The following NLGN4Y variants were observed in gnomAD, a reference collection of about 807,000 sequenced individuals.
NLGN4Y encodes the protein neuroligin-4, Y-linked.
Under a neutral mutation model 8.4 loss-of-function variants are expected in NLGN4Y, and 4 were observed. The ratio of observed to expected loss-of-function variants is 0.48; its 90% CI spans 0.23 to 1.09. The LOEUF (loss-of-function observed/expected upper bound fraction) is 1.09. Among genes scored for constraint, NLGN4Y ranks in the 50% least tolerant of loss-of-function variants. The pLI is 0.19. For synonymous variants in NLGN4Y, 35 were observed against 75.6 expected (o/e 0.46, Z 2.78); for missense variants, 90 against 192.3 (o/e 0.47, Z 3.15).
intron 4 of NLGN4Y, among the ~76,000 whole-genome samples, chrY:14,820,766 C>T (rs1038559059): frequency 6.0e-5 from 2 of 33,113 alleles, no homozygotes; most frequent in Non-Finnish European, 1.5e-4. Context: ...GCAAGGGTCA[C>T]GATAGATAGG....
intron 1 of NLGN4Y, among the ~76,000 whole-genome samples, chrY:14,571,526 A>C: frequency 1.2e-4 from 4 of 32,759 alleles, no homozygotes; most frequent in Non-Finnish European, 3.0e-4. Flanking sequence ...GATTGCAAAA[A>C]TTTTCTCCCA....
At chrY:14,596,237 C>T (rs1004307003) in intron 1 of NLGN4Y, among the ~76,000 whole-genome samples, 2 of 33,444 alleles carry the variant, frequency 6.0e-5, no homozygotes. Flanking sequence ...GTAGTCCCCA[C>T]TATGATGGGG....
At chrY:14,681,680 C>A in intron 2 of NLGN4Y, among the ~76,000 whole-genome samples, 2 of 33,948 alleles carry the variant, frequency 5.9e-5, no homozygotes, top group African/African-American at 2.3e-4. Flanking sequence ...TGGCTAGGAT[C>A]AGCAGATTAC....
At chrY:14,682,324 G>A (rs746866226) in intron 2 of NLGN4Y, among the ~76,000 whole-genome samples, 1 of 33,477 alleles carries the variant, frequency 3.0e-5, no homozygotes, top group South Asian at 6.7e-4. Context: ...AGGAATTCAC[G>A]ATAACACTAC....
At chrY:14,680,641 A>G (rs2080765389) in intron 2 of NLGN4Y, among the ~76,000 whole-genome samples, 2 of 33,650 alleles carry the variant, frequency 5.9e-5, no homozygotes, top group Admixed American at 5.5e-4. Flanking sequence ...TTGCTCATAC[A>G]TGAAACAAAT....
intron 6 of NLGN4Y, among the ~76,000 whole-genome samples, chrY:14,837,296 C>T: frequency 3.0e-5 from 1 of 33,728 alleles, no homozygotes; most frequent in Admixed American, 2.7e-4. Flanking sequence ...CTTAAAGGAA[C>T]AGCTGAGAGT....
At position 14,842,883 on chromosome Y, in the gene NLGN4Y, G is replaced by C; in HGVS notation, c.*1621G>C. ...TTACTCATTTTCAGGAAAGTTTGTA[G>C]TATTACAAGGCAGAAGGAAACACAG... On this transcript the variant is annotated 3_prime_UTR_variant, in exon 7 of 7. Transcript: ENST00000684976. 8.2e-6 allele frequency: 1 copy of C among 121,604 alleles called. No individual in the cohort carries two copies. Among genetic ancestry groups the C allele is most frequent in the Non-Finnish European group, 1.8e-5 (1 of 56,149 alleles). The allele number at this position is 121,604 out of a possible 400,897, so 30.3% of individuals were successfully genotyped here. A position where few individuals can be genotyped will look rare whatever the true frequency, so the allele number is the denominator to read the frequency against.
chrY:14,819,134 C>T (rs2043113395), intron 4 of NLGN4Y, among the ~76,000 whole-genome samples: 1 of 33,008 alleles, frequency 3.0e-5, no homozygotes, highest in East Asian at 8.0e-4. Context: ...CTCCTTAGTC[C>T]TTCTAGAACA....
chrY:14,560,680 A>G, intron 1 of NLGN4Y, among the ~76,000 whole-genome samples: 2 of 33,489 alleles, frequency 6.0e-5, no homozygotes, highest in Non-Finnish European at 7.4e-5. Flanking sequence ...AGGTAATTCT[A>G]TGGAACATTT....
At chrY:14,715,376 A>G in intron 2 of NLGN4Y, among the ~76,000 whole-genome samples, 1 of 33,591 alleles carries the variant, frequency 3.0e-5, no homozygotes, top group Non-Finnish European at 7.4e-5. Flanking sequence ...CACAATAGCA[A>G]CAACTCGTAA....
intron 1 of NLGN4Y, among the ~76,000 whole-genome samples, chrY:14,558,146 T>C: frequency 3.0e-5 from 1 of 32,987 alleles, no homozygotes; most frequent in Non-Finnish European, 7.4e-5. Context: ...GTATAATTAA[T>C]CAAACTCAAG....
intron 4 of NLGN4Y, among the ~76,000 whole-genome samples, chrY:14,766,660 GT>G (rs2081094206): frequency 3.0e-5 from 1 of 33,283 alleles, no homozygotes; most frequent in Non-Finnish European, 7.5e-5. Context: ...AAGGAACAAT[GT>G]GTTTAGACAG....
chrY:14,553,566 CTGTG>C (rs557062506), intron 1 of NLGN4Y, among the ~76,000 whole-genome samples: 1,071 of 21,708 alleles, frequency 0.049, no homozygotes, highest in Middle Eastern at 0.17. Flanking sequence ...GGTACCAAAA[CTGTG>C]TGTGTGTGTG....
At chrY:14,600,581 CTA>C (rs2080423446) in intron 1 of NLGN4Y, among the ~76,000 whole-genome samples, 39 of 32,276 alleles carry the variant, frequency 1.2e-3, no homozygotes, top group Non-Finnish European at 2.9e-3. Context: ...AGAAGGAAGA[CTA>C]TTTTTATAGT....
chrY:14,780,387 A>G (rs2042939935), intron 4 of NLGN4Y, among the ~76,000 whole-genome samples: 1 of 33,398 alleles, frequency 3.0e-5, no homozygotes, highest in African/African-American at 1.2e-4. Context: ...TGCTCTGGCA[A>G]TATTCCCAGA....
intron 1 of NLGN4Y, among the ~76,000 whole-genome samples, chrY:14,596,538 ATGT>A (rs2080398589): frequency 3.0e-5 from 1 of 33,417 alleles, no homozygotes; most frequent in Non-Finnish European, 7.4e-5. Context: ...GTCAACCAAC[ATGT>A]TGTTGGGACC....
intron 1 of NLGN4Y, among the ~76,000 whole-genome samples, chrY:14,581,333 A>G: frequency 3.1e-5 from 1 of 32,642 alleles, no homozygotes; most frequent in African/African-American, 1.2e-4. Context: ...TTAAGAAATT[A>G]TTAGCTTTAA....
At chrY:14,599,881 T>G in intron 1 of NLGN4Y, among the ~76,000 whole-genome samples, 2 of 32,843 alleles carry the variant, frequency 6.1e-5, no homozygotes, top group Admixed American at 5.7e-4. Context: ...GAACATGGGA[T>G]TTTCAGGGAA....
chrY:14,774,485 G>A (rs2081117861), intron 4 of NLGN4Y, among the ~76,000 whole-genome samples: 1 of 33,228 alleles, frequency 3.0e-5, no homozygotes. Flanking sequence ...AGTTAGAATG[G>A]CAATCATTAA....
Sources: gnomAD v4.1 joint callset for allele counts (sites outside exome capture counted in the v4.1 genomes callset) on GRCh38, gnomAD v4.1.1 for gene constraint, MANE v1.5 for transcripts, NCBI Gene and HGNC (gene_info 2026-07-23, HGNC 2026-07-21) for gene names.